DOCK8: variants seen among roughly 807,000 people sequenced by gnomAD.
The protein encoded by DOCK8 is dedicator of cytokinesis protein 8.
A neutral mutation model predicts 245.6 loss-of-function variants in DOCK8; 141 were observed. The ratio of observed to expected loss-of-function variants is 0.57; its 90% CI spans 0.50 to 0.66. DOCK8 has a LOEUF of 0.66. Among genes scored for constraint, DOCK8 ranks in the 30% least tolerant of loss-of-function variants. The pLI is 0.00. For synonymous variants in DOCK8, 1,168 were observed against 970.2 expected (o/e 1.20, Z -3.79); for missense variants, 2,965 against 2,603.4 (o/e 1.14, Z -3.02).
intron 14 of DOCK8, among the ~76,000 whole-genome samples, chr9:342,201 C>T (rs572621364): frequency 1.4e-4 from 22 of 152,148 alleles, no homozygotes; most frequent in African/African-American, 4.8e-4. Context: ...TCCATGAAAC[C>T]AGTCCCTGGT....
chr9:249,286 ACT>A (rs1441267514), intron 1 of DOCK8, among the ~76,000 whole-genome samples: 1 of 151,800 alleles, frequency 6.6e-6, no homozygotes, highest in Admixed American at 6.6e-5. Context: ...CCAACAATAA[ACT>A]CTGCGAAGTG....
At chr9:236,134 G>A (rs764591712) in intron 1 of DOCK8, among the ~76,000 whole-genome samples, 1 of 152,212 alleles carries the variant, frequency 6.6e-6, no homozygotes, top group Admixed American at 6.5e-5. Flanking sequence ...TACCACTGGA[G>A]ACTCTGGTTC....
intron 26 of DOCK8, among the ~76,000 whole-genome samples, chr9:400,039 A>G (rs796271196): frequency 1.7e-5 from 2 of 115,982 alleles, no homozygotes; most frequent in South Asian, 3.1e-4. Context: ...CATCACCACC[A>G]CCACCTCCAC....
At chr9:232,891 T>A (rs2047151834) in intron 1 of DOCK8, among the ~76,000 whole-genome samples, 1 of 152,218 alleles carries the variant, frequency 6.6e-6, no homozygotes, top group Admixed American at 6.5e-5. Context: ...TGTGTTTCTG[T>A]TTCCTTCAGT....
At chr9:277,743 G>A (rs952983515) in intron 2 of DOCK8, among the ~76,000 whole-genome samples, 5 of 152,020 alleles carry the variant, frequency 3.3e-5, no homozygotes, top group African/African-American at 9.7e-5. Flanking sequence ...GGACCATAAC[G>A]GCTCTGACTG....
chr9:332,436 T>C lies in DOCK8; in HGVS notation c.1083T>C (p.Cys361=). The change falls in exon 10 of 48, where the codon TGT becomes TGC. Residue 361 remains cysteine, a synonymous_variant. Transcript: ENST00000432829. The part of the protein sequence containing the change: ...KVLQQGEIGD[C]AEPYTVIKES... Reference sequence around the variant, plus strand: ...TGCAGCAGGGAGAGATTGGAGACTGTGCAGAGCCCTACACGGTTATCAAAG... The same window carrying C: ...TGCAGCAGGGAGAGATTGGAGACTGCGCAGAGCCCTACACGGTTATCAAAG... 1 of 1,613,492 alleles carries C rather than the reference T, an allele frequency of 6.2e-7. No homozygotes were observed. Among genetic ancestry groups the C allele is most frequent in the South Asian group, 1.1e-5 (1 of 91,072 alleles).
intron 14 of DOCK8, among the ~76,000 whole-genome samples, chr9:343,669 G>A (rs1442288474): frequency 1.2e-4 from 18 of 151,958 alleles, no homozygotes; most frequent in Admixed American, 1.1e-3. Context: ...TAGTCCCCAC[G>A]TCTCCCTCCT....
At chr9:295,547 C>T (rs1184681392) in intron 4 of DOCK8, among the ~76,000 whole-genome samples, 1 of 152,208 alleles carries the variant, frequency 6.6e-6, no homozygotes, top group African/African-American at 2.4e-5. Context: ...ACAAAATTCT[C>T]TCCCATATAT....
At chr9:429,661 A>G (rs370637858) in intron 35 of DOCK8, 41 bp from the exon 36 acceptor site, 283 of 1,613,354 alleles carry the variant, frequency 1.8e-4, no homozygotes, top group Non-Finnish European at 2.3e-4. Flanking sequence ...AGTGTATCAA[A>G]CTGCCAAGTG....
chr9:333,711 TA>T (rs55808863), intron 10 of DOCK8, among the ~76,000 whole-genome samples: 74,344 of 151,316 alleles, frequency 0.49, 19,062 homozygotes, highest in African/African-American at 0.63. Context: ...ATTTTTTTTT[TA>T]AAATCTGTCT....
chr9:454,935 C>G (rs1163668693), intron 46 of DOCK8, among the ~76,000 whole-genome samples: 1 of 152,176 alleles, frequency 6.6e-6, no homozygotes, highest in Non-Finnish European at 1.5e-5. Context: ...ATGGACTTTC[C>G]TAGGGGTCGC....
chr9:429,910 A>C (rs2056646477), intron 36 of DOCK8, 56 bp downstream of exon 36: 7 of 1,601,792 alleles, frequency 4.4e-6, no homozygotes, highest in Non-Finnish European at 5.1e-6. Flanking sequence ...ATTGATGTAA[A>C]GCATCAGCTG....
At chr9:336,852 C>A in intron 12 of DOCK8, 134 bp downstream of exon 12, 1 of 1,068,036 alleles carries the variant, frequency 9.4e-7, no homozygotes, top group Non-Finnish European at 1.4e-6. Flanking sequence ...TTTTCTGCTG[C>A]TTATAATAGA....
chr9:300,932 C>G (rs371050631), intron 4 of DOCK8, among the ~76,000 whole-genome samples: 1 of 152,134 alleles, frequency 6.6e-6, no homozygotes, highest in East Asian at 1.9e-4. Flanking sequence ...GAGCTAGTAC[C>G]AATCCTACTG....
At chr9:320,113 C>A (rs2050524312) in intron 7 of DOCK8, among the ~76,000 whole-genome samples, 1 of 151,990 alleles carries the variant, frequency 6.6e-6, no homozygotes, top group Non-Finnish European at 1.5e-5. Flanking sequence ...ACGGAAAAAG[C>A]CCAGGTTCTG....
upstream of DOCK8, chr9:213,568 C>G (rs1486449122): frequency 6.6e-6 from 1 of 152,124 alleles, no homozygotes; most frequent in Non-Finnish European, 1.5e-5. Flanking sequence ...AGACATTTTA[C>G]ACGATGTTTT....
intron 4 of DOCK8, 127 bp from the exon 5 acceptor site, chr9:304,454 T>C (rs2049714733): frequency 5.7e-6 from 7 of 1,223,264 alleles, no homozygotes; most frequent in Non-Finnish European, 8.2e-6. Context: ...GAATTATAAT[T>C]GGTTCCCTCT....
intron 27 of DOCK8, among the ~76,000 whole-genome samples, chr9:406,253 G>C (rs772174286): frequency 1.3e-5 from 2 of 152,022 alleles, no homozygotes; most frequent in Non-Finnish European, 2.9e-5. Context: ...CAGCATCTTC[G>C]GAGGCCAAAG....
chr9:407,630 C>G (rs76846501), intron 28 of DOCK8, among the ~76,000 whole-genome samples: 1 of 151,586 alleles, frequency 6.6e-6, no homozygotes, highest in Non-Finnish European at 1.5e-5. Flanking sequence ...AGTCAACAGA[C>G]AGAGAGGTAG....
Sources: gnomAD v4.1 joint callset for allele counts (sites outside exome capture counted in the v4.1 genomes callset) on GRCh38, gnomAD v4.1.1 for gene constraint, MANE v1.5 for transcripts, NCBI Gene and HGNC (gene_info 2026-07-23, HGNC 2026-07-21) for gene names.